The following SLC27A6 variants were observed in gnomAD, a reference collection of about 807,000 sequenced individuals.
SLC27A6 encodes the protein long-chain fatty acid transport protein 6.
A neutral mutation model predicts 63.9 loss-of-function variants in SLC27A6; 74 were observed. That is an observed-to-expected ratio of 1.16 (90% CI 0.96 to 1.40). The LOEUF is 1.40. Among genes scored for constraint, SLC27A6 ranks in the 40% most tolerant of loss-of-function variants. The pLI is 0.00. For synonymous variants in SLC27A6, 287 were observed against 260.8 expected (o/e 1.10, Z -0.97); for missense variants, 794 against 732.9 (o/e 1.08, Z -0.96).
chr5:128,980,652 A>G (rs1173342602), intron 1 of SLC27A6, among the ~76,000 whole-genome samples: 2 of 152,232 alleles, frequency 1.3e-5, no homozygotes, highest in African/African-American at 4.8e-5. Context: ...TGGTAACTAT[A>G]AGGATGTGGC....
chr5:128,983,584 C>T (rs1750688973), intron 1 of SLC27A6, among the ~76,000 whole-genome samples: 3 of 152,078 alleles, frequency 2.0e-5, no homozygotes, highest in South Asian at 2.1e-4. Context: ...CATGAGCCAC[C>T]GGGCCTGGCC....
chr5:129,008,557 A>G (rs1454185839), intron 4 of SLC27A6, among the ~76,000 whole-genome samples: 1 of 152,228 alleles, frequency 6.6e-6, no homozygotes, highest in East Asian at 1.9e-4. Flanking sequence ...TTCAAGCAAA[A>G]TAAGTCCTAA....
intron 1 of SLC27A6, among the ~76,000 whole-genome samples, chr5:128,981,352 G>T (rs1177904944): frequency 6.6e-6 from 1 of 151,896 alleles, no homozygotes; most frequent in Non-Finnish European, 1.5e-5. Context: ...GTGGTGGTGG[G>T]CATCTGTAAT....
At chr5:128,978,127 G>A (rs1176884320) in intron 1 of SLC27A6, among the ~76,000 whole-genome samples, 2 of 152,172 alleles carry the variant, frequency 1.3e-5, no homozygotes, top group African/African-American at 4.8e-5. Context: ...TTCAGACTGT[G>A]TGGGAAGGAA....
intron 1 of SLC27A6, among the ~76,000 whole-genome samples, chr5:128,984,472 T>TA (rs1434534293): frequency 2.0e-5 from 3 of 152,362 alleles, no homozygotes; most frequent in Non-Finnish European, 2.9e-5. Flanking sequence ...GCTCCTTTGT[T>TA]ATCCTTGTAG....
chr5:128,972,179 T>A (rs571106922), intron 1 of SLC27A6, among the ~76,000 whole-genome samples: 41 of 152,324 alleles, frequency 2.7e-4, no homozygotes, highest in Admixed American at 1.8e-3. Flanking sequence ...GACCTTTCTC[T>A]CTGGCTGCCC....
chr5:128,980,084 C>A (rs1477380704), intron 1 of SLC27A6, among the ~76,000 whole-genome samples: 1 of 152,224 alleles, frequency 6.6e-6, no homozygotes, highest in Non-Finnish European at 1.5e-5. Flanking sequence ...GATTCCCAAT[C>A]TGTTGCTCTC....
intron 4 of SLC27A6, among the ~76,000 whole-genome samples, chr5:128,995,199 A>G (rs999275589): frequency 1.3e-5 from 2 of 152,236 alleles, no homozygotes; most frequent in Admixed American, 6.5e-5. Context: ...GACATCAGTG[A>G]TCCTCTAGGG....
At chr5:128,990,095 C>A (rs1210486024) in intron 3 of SLC27A6, among the ~76,000 whole-genome samples, 1 of 152,102 alleles carries the variant, frequency 6.6e-6, no homozygotes, top group African/African-American at 2.4e-5. Flanking sequence ...TTGACTGTTG[C>A]TTTTCTCCTG....
At chr5:128,985,108 C>G (rs189617694) in intron 1 of SLC27A6, 25 bp from the exon 2 acceptor site, 1 of 1,575,664 alleles carries the variant, frequency 6.3e-7, no homozygotes, top group East Asian at 2.2e-5. Context: ...GTTTGCTTAA[C>G]TCTTCCCAAC....
intron 4 of SLC27A6, among the ~76,000 whole-genome samples, chr5:128,997,889 C>G (rs1751210109): frequency 1.3e-5 from 2 of 151,950 alleles, no homozygotes; most frequent in Non-Finnish European, 2.9e-5. Flanking sequence ...GTAACAATAC[C>G]TACTTCTTCT....
Position 128,966,236 on chromosome 5 carries a change from C to T in SLC27A6, c.99C>T (p.Phe33=), listed in dbSNP as rs779715866. The change falls in exon 1 of 10, where the codon TTC becomes TTT. Residue 33 remains phenylalanine (F), a synonymous_variant. Transcript: ENST00000262462. ...LFPYFWDDFW[F]VLKVVLIIIR... ...CTTACTTTTGGGATGACTTCTGGTT[C>T]GTGTTGAAGGTGGTGCTCATTATAA... 1.9e-6 allele frequency: 3 copies of T among 1,613,064 alleles called. No homozygotes were observed. Among genetic ancestry groups the T allele is most frequent in the Non-Finnish European group, 2.5e-6 (3 of 1,179,464 alleles).
intron 4 of SLC27A6, among the ~76,000 whole-genome samples, chr5:129,006,446 AGTGTGTGTGTGTGT>A (rs72056782): frequency 2.1e-4 from 30 of 144,044 alleles, no homozygotes; most frequent in African/African-American, 7.3e-4. Context: ...TATATGCATG[AGTGTGTGTGTGTGT>A]GTGTGTGTGT....
intron 4 of SLC27A6, among the ~76,000 whole-genome samples, chr5:129,010,454 G>A (rs1238629077): frequency 6.6e-6 from 1 of 152,148 alleles, no homozygotes; most frequent in Non-Finnish European, 1.5e-5. Context: ...TATCCTGGTG[G>A]ATACAATATA....
chr5:129,025,596 A>G (rs1331025369), intron 6 of SLC27A6, among the ~76,000 whole-genome samples: 5 of 152,134 alleles, frequency 3.3e-5, no homozygotes, highest in African/African-American at 1.2e-4. Context: ...AATGGATTAC[A>G]TATGTAAAAC....
chr5:129,001,001 G>T (rs535997737), intron 4 of SLC27A6, among the ~76,000 whole-genome samples: 1 of 152,304 alleles, frequency 6.6e-6, no homozygotes, highest in African/African-American at 2.4e-5. Context: ...CCGACTTTGT[G>T]CTGTAACACT....
intron 1 of SLC27A6, among the ~76,000 whole-genome samples, chr5:128,968,448 G>A (rs1389232307): frequency 2.0e-5 from 3 of 152,050 alleles, no homozygotes; most frequent in East Asian, 1.9e-4. Context: ...TTTAATGATC[G>A]CCATTCTAAC....
chr5:128,971,105 G>A (rs1187400184), intron 1 of SLC27A6, among the ~76,000 whole-genome samples: 1 of 152,162 alleles, frequency 6.6e-6, no homozygotes, highest in African/African-American at 2.4e-5. Context: ...TAATTTGGTT[G>A]CACTATGGGC....
chr5:129,010,342 A>G (rs2150147028), intron 4 of SLC27A6, among the ~76,000 whole-genome samples: 1 of 152,304 alleles, frequency 6.6e-6, no homozygotes, highest in Non-Finnish European at 1.5e-5. Flanking sequence ...AAATATGTCC[A>G]TGCCCTAATT....
Sources: gnomAD v4.1 joint callset for allele counts (sites outside exome capture counted in the v4.1 genomes callset) on GRCh38, gnomAD v4.1.1 for gene constraint, MANE v1.5 for transcripts, NCBI Gene and HGNC (gene_info 2026-07-23, HGNC 2026-07-21) for gene names.